RNF123: variants seen among roughly 807,000 people sequenced by gnomAD.
The protein encoded by RNF123 is E3 ubiquitin-protein ligase RNF123.
Under a neutral mutation model 168.5 loss-of-function variants are expected in RNF123, and 86 were observed. The observed-to-expected ratio is 0.51, with a 90% confidence interval of 0.43 to 0.61. The LOEUF (loss-of-function observed/expected upper bound fraction) is 0.61, where lower values mean the gene tolerates loss of function less well. Ranked by LOEUF, RNF123 falls within the 20% of genes least tolerant of loss-of-function variation. The pLI is 0.00. For missense variants in RNF123, 1,419 were observed against 1,729.7 expected (o/e 0.82, Z 3.19); for synonymous variants, 666 against 689.1 (o/e 0.97, Z 0.52).
At position 49,721,380 on chromosome 3, in the gene RNF123, C is replaced by T; in HGVS notation, c.*75C>T. On this transcript the variant is annotated 3_prime_UTR_variant, in exon 39 of 39. Coordinates refer to ENST00000327697, the MANE Select transcript of RNF123 (RefSeq NM_022064.5). ...AGGCTGGGCCCTATTTATGAGCTCCCTTTGCCCTTCTCCTGTATCCCACAC... is the reference window on the plus strand; with the variant it reads ...AGGCTGGGCCCTATTTATGAGCTCCTTTTGCCCTTCTCCTGTATCCCACAC... 2 of 1,586,572 alleles carry T rather than the reference C, an allele frequency of 1.3e-6. No homozygotes were observed. The highest frequency in any genetic ancestry group is 1.7e-6 in the Non-Finnish European group (2 of 1,155,400).
At chr3:49,712,455 C>G (rs1388415979) in intron 26 of RNF123, 24 bp from the exon 27 acceptor site, 1 of 1,609,532 alleles carries the variant, frequency 6.2e-7, no homozygotes, top group Non-Finnish European at 8.5e-7. Flanking sequence ...CGCAACCCAG[C>G]AGCACCCCGT....
At position 49,704,728 on chromosome 3, in the gene RNF123, A is replaced by G. The variant is rs780045457; in HGVS notation, c.1931A>G (p.Asp644Gly). ...ACCGCCATGGATGACCTAGATGAGG[A>G]TGAGGAGCCAGCCCCAGCTATGGCC... ...QSTAMDDLDE[D>G]EEPAPAMAQR... The change falls in exon 22 of 39, where the codon GAT (aspartate) becomes GGT (glycine). Residue 644 changes from aspartate to glycine, a missense_variant. This residue lies in a region of RNF123 where 538 missense variants were observed against 708.8 expected (regional missense o/e 0.76). Transcript: ENST00000327697. 6.3e-7 allele frequency: 1 copy of G among 1,589,806 alleles called. No homozygotes were observed. The highest frequency in any genetic ancestry group is 8.6e-7 in the Non-Finnish European group (1 of 1,167,882).
chr3:49,699,040 C>T lies in RNF123; in HGVS notation c.699C>T (p.Tyr233=), dbSNP rs2054323847. The stretch of plus-strand genomic sequence containing the variant: ...TGTCCAGGGGCCTGGGTATGGCCTA[C>T]TTCCCAGCCATCAGCCTCTCTTTCA... ...ENLSRGLGMA[Y]FPAISLSFKE... The change falls in exon 10 of 39, where the codon TAC becomes TAT. Residue 233 remains tyrosine (Y), a synonymous_variant. Coordinates refer to ENST00000327697, the MANE Select transcript of RNF123 (RefSeq NM_022064.5). The surrounding 1 kb of genome is among the most constrained non-coding windows in gnomAD (Gnocchi z 4.8). 6 of 1,613,946 alleles carry T rather than the reference C, an allele frequency of 3.7e-6. No individual in the cohort carries two copies. The highest frequency in any genetic ancestry group is 5.1e-6 in the Non-Finnish European group (6 of 1,180,030).
chr3:49,710,415 G>A (rs2080121828), intron 26 of RNF123, among the ~76,000 whole-genome samples: 1 of 152,152 alleles, frequency 6.6e-6, no homozygotes, highest in African/African-American at 2.4e-5. Context: ...GAGTAGCTGG[G>A]ACTATAGGCA....
chr3:49,720,804 G>A lies in RNF123; in HGVS notation c.3648G>A (p.Ala1216=), dbSNP rs148608408. The A allele has an allele frequency of 3.8e-5, 62 of 1,614,002 alleles. No homozygotes were observed. Among genetic ancestry groups the A allele is most frequent in the Middle Eastern group, 3.3e-4 (2 of 6,084 alleles). ...ACACTACCTACCACTCCCCAGATGC[G>A]GATTATATCAGTGCCGATGAGCTGG... The part of the protein sequence containing the change: ...DRKRFSLQSY[A]DYISADELAQ... Residue 1216 remains alanine, a synonymous_variant, in exon 37 of 39, where the codon GCG becomes GCA. Coordinates refer to ENST00000327697, the MANE Select transcript of RNF123 (RefSeq NM_022064.5).
chr3:49,700,544 G>T lies in RNF123; in HGVS notation c.1183G>T (p.Val395Phe). 6.2e-7 allele frequency: 1 copy of T among 1,614,180 alleles called. No individual in the cohort carries two copies. Among genetic ancestry groups the T allele is most frequent in the Non-Finnish European group, 8.5e-7 (1 of 1,180,036 alleles). The change falls in exon 14 of 39, where the codon GTC becomes TTC. Residue 395 changes from valine to phenylalanine, a missense_variant. Physicochemically the swap from Val to Phe is conservative, Grantham distance 50. Around this residue, in one of 5 missense-constraint regions of RNF123, gnomAD observed 349 missense variants for 344.9 expected, o/e 1.01. Coordinates refer to ENST00000327697, the MANE Select transcript of RNF123 (RefSeq NM_022064.5). Reference sequence around the variant, plus strand: ...TCGGCTGTACCGATTCTCACCCATTGTCCCAGACCTGGGCCTACAGGTGGG... The same window carrying T: ...TCGGCTGTACCGATTCTCACCCATTTTCCCAGACCTGGGCCTACAGGTGGG... ...LLRLYRFSPIVPDLGLQIHYL... is the reference protein window; with the variant it reads ...LLRLYRFSPIFPDLGLQIHYL...
At chr3:49,695,994 A>T (rs1575520241) in intron 3 of RNF123, among the ~76,000 whole-genome samples, 1 of 151,952 alleles carries the variant, frequency 6.6e-6, no homozygotes, top group Admixed American at 6.5e-5. Flanking sequence ...ACTGGCGGGT[A>T]CAGGACAGAG....
intron 1 of RNF123, among the ~76,000 whole-genome samples, chr3:49,690,712 G>C (rs917835067): frequency 1.3e-5 from 2 of 152,230 alleles, no homozygotes; most frequent in African/African-American, 2.4e-5. Context: ...GCACTTGGGG[G>C]AATGTGTAGG....
At chr3:49,715,468 C>T in intron 31 of RNF123, 107 bp from the exon 32 acceptor site, 1 of 1,360,178 alleles carries the variant, frequency 7.4e-7, no homozygotes, top group Non-Finnish European at 1.0e-6. Context: ...CCTAGGGAGC[C>T]ATCTTTCTGT....
In RNF123 at chr3:49,713,585, C is replaced by A; in HGVS notation, c.2747C>A (p.Thr916Asn). 1 of 1,611,952 alleles carries A rather than the reference C, an allele frequency of 6.2e-7. No individual in the cohort carries two copies. Among genetic ancestry groups the A allele is most frequent in the Non-Finnish European group, 8.5e-7 (1 of 1,179,126 alleles). ...TTTGCCGACGCACGCATTGTGGGCA[C>A]TGGTGAGGGGCCCCTACAGAGGGTA... Reference protein sequence around the residue: ...KHFADARIVGTDIRDSLMQAL... With the variant: ...KHFADARIVGNDIRDSLMQAL... The change falls in exon 28 of 39, where the codon ACT becomes AAT. Residue 916 changes from threonine to asparagine, a missense_variant and splice_region_variant. Transcript: ENST00000327697.
In RNF123 at chr3:49,706,022, C is replaced by T. The variant is rs1230956431; in HGVS notation, c.2345C>T (p.Ala782Val). ...VSDDVNEYAMALRDTEDKLRR... is the reference protein window; with the variant it reads ...VSDDVNEYAMVLRDTEDKLRR... ...GATGATGTCAATGAATACGCTATGG[C>T]TCTGAGGGACACAGAGGACAAGCTC... is the stretch of plus-strand genomic sequence containing the variant. Residue 782 changes from alanine to valine, a missense_variant, in exon 25 of 39, where the codon GCT (alanine) becomes GTT (valine). Ala to Val is a moderately conservative substitution (Grantham distance 64). Coordinates refer to ENST00000327697, the MANE Select transcript of RNF123 (RefSeq NM_022064.5). 1.2e-6 allele frequency: 2 copies of T among 1,614,044 alleles called. No individual in the cohort carries two copies. Among genetic ancestry groups the T allele is most frequent in the African/African-American group, 1.3e-5 (1 of 74,946 alleles).
chr3:49,691,160 T>G lies in RNF123; in HGVS notation c.-6T>G. On this transcript the variant is annotated 5_prime_UTR_variant, in exon 2 of 39. The change abolishes an upstream ATG in the 5' untranslated region. Transcript: ENST00000327697. ...AGGACCACTGGCTGCCCATGAGAGATGAAGGATGGCATCCAAGGGGGCCGG... is the reference window on the plus strand; with the variant it reads ...AGGACCACTGGCTGCCCATGAGAGAGGAAGGATGGCATCCAAGGGGGCCGG... 6.2e-7 allele frequency: 1 copy of G among 1,613,514 alleles called. No homozygotes were observed. Among genetic ancestry groups the G allele is most frequent in the Non-Finnish European group, 8.5e-7 (1 of 1,179,570 alleles).
Position 49,706,027 on chromosome 3 carries a change from A to G in RNF123, c.2350A>G (p.Arg784Gly). Reference protein sequence around the residue: ...DDVNEYAMALRDTEDKLRRCP... With the variant: ...DDVNEYAMALGDTEDKLRRCP... ...TGTCAATGAATACGCTATGGCTCTG[A>G]GGGACACAGAGGACAAGCTCCGCCG... Residue 784 changes from arginine to glycine, a missense_variant, in exon 25 of 39, where the codon AGG becomes GGG. Transcript: ENST00000327697. The G allele has an allele frequency of 6.2e-7, 1 of 1,614,130 alleles. No individual in the cohort carries two copies. The highest frequency in any genetic ancestry group is 8.5e-7 in the Non-Finnish European group (1 of 1,180,022).
intron 13 of RNF123, 50 bp downstream of exon 13, chr3:49,700,402 G>A (rs1255523492): frequency 1.2e-6 from 2 of 1,612,584 alleles, no homozygotes; most frequent in East Asian, 2.2e-5. Context: ...TCTTCACTGG[G>A]GTCGGGAAGA....
chr3:49,697,981 G>A, intron 6 of RNF123, 42 bp downstream of exon 6: 1 of 1,613,798 alleles, frequency 6.2e-7, no homozygotes, highest in Non-Finnish European at 8.5e-7. Context: ...TGAGGAGAAA[G>A]TTTAAGGGCC....
intron 35 of RNF123, chr3:49,718,799 A>C (rs2080313408): frequency 6.2e-7 from 1 of 1,613,060 alleles, no homozygotes; most frequent in Non-Finnish European, 8.5e-7. Context: ...CGGCAGTCGC[A>C]AGGCAAAGGG....
At chr3:49,690,107 A>G (rs202013612) in intron 1 of RNF123, among the ~76,000 whole-genome samples, 1 of 151,938 alleles carries the variant, frequency 6.6e-6, no homozygotes, top group Admixed American at 6.6e-5. Context: ...CAGACCCACA[A>G]GGGTTTGTGG....
At chr3:49,716,322 A>G (rs1368514442) in intron 34 of RNF123, 71 bp from the exon 35 acceptor site, 3 of 1,555,922 alleles carry the variant, frequency 1.9e-6, no homozygotes, top group African/African-American at 2.7e-5. Context: ...TAGAGAGGGC[A>G]GTGGGCAGGC....
intron 34 of RNF123, 76 bp from the exon 35 acceptor site, chr3:49,716,317 A>C: frequency 6.4e-7 from 1 of 1,555,980 alleles, no homozygotes; most frequent in East Asian, 2.3e-5. Flanking sequence ...TTCTGTAGAG[A>C]GGGCAGTGGG....
Sources: allele counts gnomAD v4.1 joint callset (sites outside exome capture counted in the v4.1 genomes callset), GRCh38; gene constraint gnomAD v4.1.1; regional missense constraint gnomAD v4.1.1; non-coding constraint Gnocchi (gnomAD v3.1); transcripts MANE v1.5; gene names NCBI Gene and HGNC (gene_info 2026-07-23, HGNC 2026-07-21).